ANKRD30A: variants seen among roughly 807,000 people sequenced by gnomAD.
The protein encoded by ANKRD30A is ankyrin repeat domain-containing protein 30A.
Under a neutral mutation model 166.3 loss-of-function variants are expected in ANKRD30A, and 170 were observed. That is an observed-to-expected ratio of 1.02 (90% CI 0.90 to 1.16). ANKRD30A has a LOEUF of 1.16. Ranked by LOEUF, ANKRD30A falls within the 50% of genes most tolerant of loss-of-function variation. ANKRD30A has a pLI of 0.00. For synonymous variants in ANKRD30A, 564 were observed against 508.9 expected, an observed-to-expected ratio of 1.11 and a Z score of -1.46; for missense variants, 1,630 against 1,518.0, an observed-to-expected ratio of 1.07 and a Z score of -1.23.
intron 9 of ANKRD30A, 21 bp downstream of exon 9, chr10:37,147,478 G>C (rs777275189): frequency 6.7e-7 from 1 of 1,499,484 alleles, no homozygotes; most frequent in African/African-American, 1.4e-5. Flanking sequence ...TTTTTTATTT[G>C]AAAAGTCTTT....
At chr10:37,215,050 C>G (rs1201243712) in intron 31 of ANKRD30A, among the ~76,000 whole-genome samples, 1 of 151,522 alleles carries the variant, frequency 6.6e-6, no homozygotes, top group African/African-American at 2.4e-5. Flanking sequence ...TAACTTGTAT[C>G]TCTACAAGTG....
chr10:37,136,175 T>G (rs1836671816), intron 5 of ANKRD30A, among the ~76,000 whole-genome samples: 1 of 152,224 alleles, frequency 6.6e-6, no homozygotes, highest in Non-Finnish European at 1.5e-5. Flanking sequence ...CACTATTTCT[T>G]TGAGCATTTT....
rs138955638 is a variant in ANKRD30A, at chr10:37,204,198, T to G, written c.2869+2873T>G. Among the ~76,000 whole-genome samples the G allele has an allele frequency of 1.2e-4, 19 of 152,064 alleles. No homozygotes were observed. In the East Asian group the frequency reaches 2.9e-3, roughly 23 times the overall value. Reference sequence around the variant, plus strand: ...GTGCCAAGACGATCCTAAGCCAAAATAACAAAGCTGGAGGCATCACACTAC... The same window carrying G: ...GTGCCAAGACGATCCTAAGCCAAAAGAACAAAGCTGGAGGCATCACACTAC... On this transcript the variant is annotated intron_variant, in intron 31 of 35. Transcript: ENST00000361713.
chr10:37,146,760 C>G, intron 8 of ANKRD30A, among the ~76,000 whole-genome samples: 1 of 152,102 alleles, frequency 6.6e-6, no homozygotes, highest in East Asian at 1.9e-4. Flanking sequence ...CACTTAAGCA[C>G]CTGTGGTACA....
Position 37,125,991 on chromosome 10 carries a change from A to G in ANKRD30A, c.204A>G (p.Ile68Met). The G allele has an allele frequency of 2.5e-6, 4 of 1,591,252 alleles. No homozygotes were observed. The highest frequency in any genetic ancestry group is 2.3e-5 in the East Asian group (1 of 43,192). Residue 68 changes from isoleucine (I) to methionine (M), a missense_variant, in exon 1 of 36, where the codon ATA becomes ATG. Transcript: ENST00000361713. ...GGAAGAAGACCATCAACCTTAATAT[A>G]CAAGACGCCCAGAAGAGGTACCAGG... is the stretch of plus-strand genomic sequence containing the variant. ...TKRKKTINLN[I>M]QDAQKRTALH...
At chr10:37,200,385 G>T (rs1475741350) in intron 30 of ANKRD30A, among the ~76,000 whole-genome samples, 2 of 152,064 alleles carry the variant, frequency 1.3e-5, no homozygotes, top group Admixed American at 6.6e-5. Context: ...TTCACAAATG[G>T]AACTCCTTGA....
Position 37,184,065 on chromosome 10 carries a change from G to T in ANKRD30A, c.2422-5402G>T, listed in dbSNP as rs1385594971. Among the ~76,000 whole-genome samples, 3 of 151,626 alleles carry T rather than the reference G, an allele frequency of 2.0e-5. No homozygotes were observed. The East Asian group carries it at 5.8e-4, about 29-fold the overall frequency. ...GCGATGCTGCTGCTGGTGGTCCTTGGAGCTTGGTCTGAGTAGCAAAAGGAG... is the reference window on the plus strand; with the variant it reads ...GCGATGCTGCTGCTGGTGGTCCTTGTAGCTTGGTCTGAGTAGCAAAAGGAG... On this transcript the variant is annotated intron_variant, in intron 24 of 35. Transcript: ENST00000361713.
Position 37,126,469 on chromosome 10 carries a change from T to C in ANKRD30A, c.221+461T>C, listed in dbSNP as rs1836019084. Among the ~76,000 whole-genome samples, 4 of 152,226 alleles carry C rather than the reference T, an allele frequency of 2.6e-5. No homozygotes were observed. In the South Asian group the frequency reaches 8.3e-4, roughly 32 times the overall value. The stretch of plus-strand genomic sequence containing the variant: ...AAAATTATCTGGATAGAGTCCAATA[T>C]CCATTTTGATATCAATGAATGTCTA... On this transcript the variant is annotated intron_variant, in intron 1 of 35. Transcript: ENST00000361713.
chr10:37,226,078 A>G (rs1428544021), intron 34 of ANKRD30A, among the ~76,000 whole-genome samples: 4 of 151,130 alleles, frequency 2.6e-5, no homozygotes, highest in Admixed American at 6.6e-5. Flanking sequence ...GGATTCTTTC[A>G]CTTAGCATAA....
In ANKRD30A at chr10:37,197,291, G is replaced by A; in HGVS notation, c.2625G>A (p.Glu875=). The change falls in exon 28 of 36, where the codon GAG becomes GAA. Residue 875 remains glutamate, a synonymous_variant. Coordinates refer to ENST00000361713, the MANE Select transcript of ANKRD30A (RefSeq NM_052997.3). ...TCTTTTGCTTTTTAGAGCCTCCCGA[G>A]AAGCCATCTGCCTTCGAGGTATTTA... ...DMQTFKAEPP[E]KPSAFEPAIE... 1.2e-6 allele frequency: 2 copies of A among 1,613,238 alleles called. No homozygotes were observed. Among genetic ancestry groups the A allele is most frequent in the Non-Finnish European group, 1.7e-6 (2 of 1,179,754 alleles).
At chr10:37,240,081 A>G in the ANKRD30A span, among the ~76,000 whole-genome samples, 1 of 152,158 alleles carries the variant, frequency 6.6e-6, no homozygotes, top group African/African-American at 2.4e-5. Context: ...ATTAATTGAT[A>G]AGTACATCAG....
rs1341673955 is a variant in ANKRD30A, at chr10:37,197,264, T to C, written c.2615-17T>C. On this transcript the variant is annotated splice_polypyrimidine_tract_variant and intron_variant, in intron 27 of 35. Coordinates refer to ENST00000361713, the MANE Select transcript of ANKRD30A (RefSeq NM_052997.3). ...ATATTTACTTATGATTGATGATAAA[T>C]CTCTTTTGCTTTTTAGAGCCTCCCG... The C allele has an allele frequency of 6.2e-7, 1 of 1,610,754 alleles. No homozygotes were observed. Among genetic ancestry groups the C allele is most frequent in the Middle Eastern group, 1.8e-4 (1 of 5,494 alleles).
rs1204511204 is a variant in ANKRD30A at position 37,217,752 on chromosome 10, A to C, written c.3141A>C (p.Lys1047Asn). ...KRRNADILNE[K>N]IREELGRIEE... ...GAAATGCCGATATATTAAATGAAAA[A>C]ATTAGGGAAGAATTAGGAAGAATCG... The change falls in exon 33 of 36, where the codon AAA becomes AAC. Residue 1047 changes from lysine to asparagine, a missense_variant. Physicochemically the swap from Lys to Asn is moderately conservative, Grantham distance 94 (BLOSUM62 0). Around this residue, in one of 4 missense-constraint regions of ANKRD30A, gnomAD observed 712 missense variants for 629.3 expected, o/e 1.13. Coordinates refer to ENST00000361713, the MANE Select transcript of ANKRD30A (RefSeq NM_052997.3). 6.3e-7 allele frequency: 1 copy of C among 1,595,714 alleles called. No individual in the cohort carries two copies. The highest frequency in any genetic ancestry group is 8.5e-7 in the Non-Finnish European group (1 of 1,171,702).
chr10:37,159,988 C>T (rs1172078386), intron 15 of ANKRD30A, among the ~76,000 whole-genome samples: 6 of 152,262 alleles, frequency 3.9e-5, no homozygotes, highest in Admixed American at 6.5e-5. Context: ...CGTGAGGCAC[C>T]GTGCCCGGCC....
chr10:37,161,747 A>G (rs1238363485), intron 15 of ANKRD30A, among the ~76,000 whole-genome samples: 3 of 152,286 alleles, frequency 2.0e-5, no homozygotes, highest in East Asian at 3.9e-4. Flanking sequence ...CGCTATACAA[A>G]TGACACATAT....
At chr10:37,232,699 G>A (rs202195653), downstream of ANKRD30A, 162 of 5,310 alleles carry the variant, frequency 0.031, 2 homozygotes, top group African/African-American at 0.083. Flanking sequence ...TATATAAATA[G>A]AGAGAGAGAG....
At chr10:37,198,321 G>T (rs1383874338) in intron 29 of ANKRD30A, among the ~76,000 whole-genome samples, 1 of 151,896 alleles carries the variant, frequency 6.6e-6, no homozygotes, top group East Asian at 1.9e-4. Flanking sequence ...ATAATTTTTA[G>T]AAACATCCGT....
chr10:37,204,019 C>T (rs893638534), intron 31 of ANKRD30A, among the ~76,000 whole-genome samples: 1 of 152,150 alleles, frequency 6.6e-6, no homozygotes, highest in African/African-American at 2.4e-5. Context: ...GCATTCCATG[C>T]TTATGGATAG....
intron 34 of ANKRD30A, among the ~76,000 whole-genome samples, chr10:37,228,075 T>C (rs890302581): frequency 6.6e-6 from 1 of 151,998 alleles, no homozygotes; most frequent in Non-Finnish European, 1.5e-5. Flanking sequence ...TAGGTCAAGA[T>C]GCACAGCTAT....
Sources: allele counts gnomAD v4.1 joint callset (sites outside exome capture counted in the v4.1 genomes callset), GRCh38; gene constraint gnomAD v4.1.1; regional missense constraint gnomAD v4.1.1; transcripts MANE v1.5; gene names NCBI Gene and HGNC (gene_info 2026-07-23, HGNC 2026-07-21).